Variants in EPHA3 observed in about 807,000 individuals in gnomAD.
EPHA3 encodes ephrin type-A receptor 3.
In EPHA3, 42 loss-of-function variants were observed where a neutral mutation model predicts 107.1. The ratio of observed to expected loss-of-function variants is 0.39; its 90% confidence interval spans 0.31 to 0.51. The LOEUF (loss-of-function observed/expected upper bound fraction) is 0.51. Ranked by LOEUF, EPHA3 falls within the 20% of genes least tolerant of loss-of-function variation. The probability of loss-of-function intolerance (pLI) is 0.78; values close to 1 mark genes in which losing one functional copy is unlikely to be tolerated. For missense variants in EPHA3, 1,183 were observed against 1,211.2 expected, an observed-to-expected ratio of 0.98 and a Z score of 0.35; for synonymous variants, 461 against 424.8, an observed-to-expected ratio of 1.09 and a Z score of -1.05.
chr3:89,155,372 A>C (rs1038443709), intron 2 of EPHA3, among the ~76,000 whole-genome samples: 7 of 152,072 alleles, frequency 4.6e-5, no homozygotes, highest in Non-Finnish European at 8.8e-5. Context: ...AGTAGCATTT[A>C]GTGGGTGTAT....
chr3:89,154,166 C>A (rs1704745281), intron 2 of EPHA3, among the ~76,000 whole-genome samples: 2 of 151,890 alleles, frequency 1.3e-5, no homozygotes, highest in Non-Finnish European at 2.9e-5. Context: ...TTCTAATATT[C>A]TCCTTAGTGC....
At chr3:89,362,498 C>A (rs1708113456) in intron 5 of EPHA3, among the ~76,000 whole-genome samples, 1 of 151,130 alleles carries the variant, frequency 6.6e-6, no homozygotes, top group African/African-American at 2.4e-5. Context: ...AATGCAGTCA[C>A]CTGCACACAG....
At chr3:89,354,200 A>G (rs1707896117) in intron 5 of EPHA3, among the ~76,000 whole-genome samples, 1 of 151,230 alleles carries the variant, frequency 6.6e-6, no homozygotes, top group Admixed American at 6.6e-5. Context: ...AATGTGTTCT[A>G]CCTCCCTAAA....
intron 5 of EPHA3, among the ~76,000 whole-genome samples, chr3:89,346,905 T>A (rs1707672915): frequency 1.4e-5 from 2 of 147,140 alleles, no homozygotes; most frequent in Admixed American, 1.4e-4. Context: ...TTTTCTCAGG[T>A]TTGTCAAAGA....
chr3:89,286,919 A>C (rs1201105246), intron 3 of EPHA3, among the ~76,000 whole-genome samples: 1 of 151,956 alleles, frequency 6.6e-6, no homozygotes, highest in Non-Finnish European at 1.5e-5. Flanking sequence ...TTGTTTTCTT[A>C]GTTGTTCTTA....
At chr3:89,174,018 G>A (rs1705264357) in intron 2 of EPHA3, among the ~76,000 whole-genome samples, 1 of 151,902 alleles carries the variant, frequency 6.6e-6, no homozygotes, top group East Asian at 1.9e-4. Flanking sequence ...AGTTGATATT[G>A]GTGGTAGAAG....
chr3:89,191,289 T>A (rs144280609), intron 2 of EPHA3, among the ~76,000 whole-genome samples: 5 of 148,782 alleles, frequency 3.4e-5, no homozygotes, highest in East Asian at 2.0e-4. Context: ...TTTTTATTTT[T>A]ATTTTTTTAA....
intron 3 of EPHA3, among the ~76,000 whole-genome samples, chr3:89,234,315 T>A (rs1704701758): frequency 6.6e-6 from 1 of 152,218 alleles, no homozygotes; most frequent in Non-Finnish European, 1.5e-5. Context: ...CTGGTGTTAC[T>A]CATTTTCCAT....
chr3:89,344,189 C>T (rs1707592468), intron 5 of EPHA3, among the ~76,000 whole-genome samples: 1 of 152,096 alleles, frequency 6.6e-6, no homozygotes, highest in South Asian at 2.1e-4. Flanking sequence ...TATCATTCCC[C>T]TCTGGCTTTC....
At chr3:89,166,656 T>G (rs1437147957) in intron 2 of EPHA3, among the ~76,000 whole-genome samples, 1 of 152,300 alleles carries the variant, frequency 6.6e-6, no homozygotes, top group Middle Eastern at 3.4e-3. Context: ...TGATTTGCTC[T>G]CCTTTTTTCT....
intron 15 of EPHA3, among the ~76,000 whole-genome samples, chr3:89,459,462 TTTCTCTCCTTCC>T (rs1185524044): frequency 0.014 from 2,099 of 150,054 alleles, 61 homozygotes; most frequent in African/African-American, 0.044. Flanking sequence ...TCTTCCCTTC[TTTCTCTCCTTCC>T]TTCTCTCCTT....
intron 2 of EPHA3, among the ~76,000 whole-genome samples, chr3:89,161,880 G>A (rs1419097514): frequency 1.3e-5 from 2 of 151,884 alleles, no homozygotes; most frequent in African/African-American, 4.8e-5. Context: ...GAGAGGCTGA[G>A]GTGGGAGGAT....
chr3:89,429,776 GGCAATGGTGCAATGGT>G (rs202240466), intron 12 of EPHA3, among the ~76,000 whole-genome samples: 399 of 150,460 alleles, frequency 2.7e-3, no homozygotes, highest in Non-Finnish European at 3.9e-3. Context: ...TTGTTGCCCA[GGCAATGGTGCAATGGT>G]GCAATGGTGC....
intron 3 of EPHA3, among the ~76,000 whole-genome samples, chr3:89,289,077 T>G (rs116656066): frequency 9.8e-4 from 149 of 152,256 alleles, no homozygotes; most frequent in Non-Finnish European, 1.8e-3. Context: ...AAGAACCCTA[T>G]GAGGTAAACA....
At chr3:89,419,101 A>G in intron 10 of EPHA3, 104 bp from the exon 11 acceptor site, 1 of 1,228,568 alleles carries the variant, frequency 8.1e-7, no homozygotes, top group East Asian at 2.4e-5. Context: ...GGTCAAAGGC[A>G]CAAATATTTT....
intron 3 of EPHA3, among the ~76,000 whole-genome samples, chr3:89,322,435 G>C (rs1707064892): frequency 1.3e-5 from 2 of 152,064 alleles, no homozygotes; most frequent in Admixed American, 6.6e-5. Flanking sequence ...GCTGAAAGTT[G>C]AGAGGATTAG....
intron 2 of EPHA3, among the ~76,000 whole-genome samples, chr3:89,167,984 T>C (rs1705116107): frequency 1.3e-5 from 2 of 152,182 alleles, no homozygotes; most frequent in Admixed American, 1.3e-4. Flanking sequence ...AAAATTATGA[T>C]TAGCATTTTA....
At chr3:89,419,550 C>T (rs1001904113) in intron 11 of EPHA3, among the ~76,000 whole-genome samples, 160 bp downstream of exon 11, 8 of 151,348 alleles carry the variant, frequency 5.3e-5, no homozygotes, top group Non-Finnish European at 1.0e-4. Flanking sequence ...GACAGTAGAG[C>T]AGACCTTTAA....
chr3:89,314,512 A>G (rs1258829736), intron 3 of EPHA3, among the ~76,000 whole-genome samples: 5 of 152,006 alleles, frequency 3.3e-5, no homozygotes, highest in Non-Finnish European at 7.4e-5. Context: ...AGCTCATGCA[A>G]ATAAATTATG....
Sources: allele counts gnomAD v4.1 joint callset (sites outside exome capture counted in the v4.1 genomes callset), GRCh38; gene constraint gnomAD v4.1.1; transcripts MANE v1.5; gene names NCBI Gene and HGNC (gene_info 2026-07-23, HGNC 2026-07-21).